The following ARPP21 variants were observed in gnomAD, a reference collection of about 807,000 sequenced individuals.
ARPP21 encodes cAMP regulated phosphoprotein 21.
Under a neutral mutation model 113.2 loss-of-function variants are expected in ARPP21, and 69 were observed. The observed-to-expected ratio is 0.61, with a 90% CI of 0.50 to 0.74. The LOEUF is 0.74. ARPP21 is among the 30% of genes least tolerant of loss of function. The pLI is 0.00. For synonymous variants in ARPP21, 368 were observed against 375.5 expected, an observed-to-expected ratio of 0.98 and a Z score of 0.23; for missense variants, 1,070 against 1,037.4, an observed-to-expected ratio of 1.03 and a Z score of -0.43.
intron 1 of ARPP21, chr3:35,641,450 A>T (rs1559496177): frequency 6.6e-6 from 1 of 152,160 alleles, no homozygotes; most frequent in Non-Finnish European, 1.5e-5. Flanking sequence ...CCTTTGACAC[A>T]CTTTTAGATA....
At chr3:35,783,475 A>T (rs558576392) in intron 19 of ARPP21, among the ~76,000 whole-genome samples, 1 of 151,644 alleles carries the variant, frequency 6.6e-6, no homozygotes, top group African/African-American at 2.4e-5. Flanking sequence ...CCAGTTTCTG[A>T]CAGTTCACAT....
intron 5 of ARPP21, chr3:35,685,402 G>T: frequency 1.0e-6 from 1 of 985,292 alleles, no homozygotes; most frequent in Non-Finnish European, 1.2e-6. Context: ...GGGGTTGATA[G>T]AAAACATCCA....
Position 35,729,311 on chromosome 3 carries a change from T to G in ARPP21, c.1234T>G (p.Ser412Ala). ...TGKLSKAGSE[S>A]SSSAGSSGSL... ...TTGTATCCCTATGCCAGGTTCCGAG[T>G]CTTCCAGCAGTGCAGGCTCCTCAGG... The change falls in exon 15 of 21, where the codon TCT (serine) becomes GCT (alanine). Residue 412 changes from serine (S) to alanine (A), a missense_variant. Coordinates refer to ENST00000684406, the MANE Select transcript of ARPP21 (RefSeq NM_001385562.1). 2 of 1,613,350 alleles carry G rather than the reference T, an allele frequency of 1.2e-6. No homozygotes were observed. Among genetic ancestry groups the G allele is most frequent in the Non-Finnish European group, 1.7e-6 (2 of 1,179,384 alleles).
At chr3:35,684,957 C>A (rs2080112399) in intron 5 of ARPP21, 1 of 984,088 alleles carries the variant, frequency 1.0e-6, no homozygotes, top group African/African-American at 1.7e-5. Flanking sequence ...ATTTGTGCTT[C>A]TCTTTTTAAT....
At chr3:35,792,330 A>G (rs1577099613) in intron 19 of ARPP21, 52 bp from the exon 20 acceptor site, 1 of 1,575,440 alleles carries the variant, frequency 6.3e-7, no homozygotes, top group Non-Finnish European at 8.7e-7. Context: ...CCCATGAAAC[A>G]TCACTGTGTT....
intron 14 of ARPP21, among the ~76,000 whole-genome samples, chr3:35,726,141 T>C (rs942846835): frequency 6.6e-5 from 10 of 152,260 alleles, no homozygotes; most frequent in African/African-American, 2.4e-4. Flanking sequence ...CACATATGCA[T>C]ACTGTATAAA....
intron 1 of ARPP21, among the ~76,000 whole-genome samples, chr3:35,669,814 C>T (rs909880190): frequency 6.6e-6 from 1 of 152,110 alleles, no homozygotes; most frequent in African/African-American, 2.4e-5. Flanking sequence ...AGCTAATTAC[C>T]CCTTCCAGGC....
chr3:35,761,476 C>T (rs1184956405), intron 19 of ARPP21, among the ~76,000 whole-genome samples: 1 of 152,040 alleles, frequency 6.6e-6, no homozygotes, highest in Non-Finnish European at 1.5e-5. Flanking sequence ...GGGAACAGCC[C>T]TCCTGCACCA....
intron 19 of ARPP21, among the ~76,000 whole-genome samples, chr3:35,764,196 T>C (rs2095873898): frequency 6.6e-6 from 1 of 152,122 alleles, no homozygotes; most frequent in African/African-American, 2.4e-5. Context: ...CCTAAAAATA[T>C]AAGGTGGATG....
At chr3:35,789,615 G>A (rs1044257997) in intron 19 of ARPP21, among the ~76,000 whole-genome samples, 5 of 152,090 alleles carry the variant, frequency 3.3e-5, no homozygotes, top group Non-Finnish European at 7.4e-5. Context: ...CCATTGCTAT[G>A]CATAACTGAA....
At chr3:35,755,026 G>A (rs13326430) in intron 19 of ARPP21, among the ~76,000 whole-genome samples, 19,151 of 151,984 alleles carry the variant, frequency 0.13, 1,336 homozygotes, top group Non-Finnish European at 0.15. Context: ...GAAAGCTCTA[G>A]CATTTCTTTG....
intron 1 of ARPP21, among the ~76,000 whole-genome samples, chr3:35,668,017 GA>G (rs1173628179): frequency 6.3e-4 from 94 of 149,586 alleles, no homozygotes; most frequent in Non-Finnish European, 8.9e-4. Context: ...AGAAGAAGAA[GA>G]AGAAGAAGAA....
chr3:35,762,868 G>A (rs1003558881), intron 19 of ARPP21, among the ~76,000 whole-genome samples: 1 of 151,986 alleles, frequency 6.6e-6, no homozygotes, highest in Non-Finnish European at 1.5e-5. Context: ...TGTAAGACAC[G>A]ATCACACTCT....
At chr3:35,684,924 G>A in intron 5 of ARPP21, 1 of 985,138 alleles carries the variant, frequency 1.0e-6, no homozygotes, top group Non-Finnish European at 1.2e-6. Context: ...TCTGAGAAAT[G>A]TGTGGCTTTC....
chr3:35,649,885 G>A (rs1429557135), intron 1 of ARPP21, among the ~76,000 whole-genome samples: 1 of 152,098 alleles, frequency 6.6e-6, no homozygotes, highest in African/African-American at 2.4e-5. Flanking sequence ...AAATAATCTT[G>A]TTTGAAAGGA....
intron 1 of ARPP21, among the ~76,000 whole-genome samples, chr3:35,668,033 GA>G (rs2075335336): frequency 9.1e-6 from 1 of 110,028 alleles, no homozygotes; most frequent in Non-Finnish European, 1.9e-5. Flanking sequence ...GAAGAAGAAG[GA>G]GAAGAAGAAG....
intron 1 of ARPP21, among the ~76,000 whole-genome samples, chr3:35,643,075 C>T (rs1467295451): frequency 6.6e-6 from 1 of 152,086 alleles, no homozygotes; most frequent in Non-Finnish European, 1.5e-5. Flanking sequence ...ATATGCAGAA[C>T]ACCTGTCTTG....
chr3:35,792,788 A>G (rs1443927063), intron 20 of ARPP21, among the ~76,000 whole-genome samples: 3 of 152,260 alleles, frequency 2.0e-5, no homozygotes, highest in Non-Finnish European at 4.4e-5. Context: ...AAAATACATT[A>G]GTCTACAGTT....
At chr3:35,787,592 A>C (rs939974919) in intron 19 of ARPP21, among the ~76,000 whole-genome samples, 9 of 152,178 alleles carry the variant, frequency 5.9e-5, no homozygotes, top group African/African-American at 1.7e-4. Flanking sequence ...TTAATGAGTG[A>C]TATGAGTTGA....
Sources: allele counts gnomAD v4.1 joint callset (sites outside exome capture counted in the v4.1 genomes callset), GRCh38; gene constraint gnomAD v4.1.1; transcripts MANE v1.5; gene names NCBI Gene and HGNC (gene_info 2026-07-23, HGNC 2026-07-21).